Variants in COBLL1 observed in about 807,000 individuals in gnomAD.
The protein encoded by COBLL1 is cordon-bleu WH2 repeat protein like 1, also known as cordon-bleu protein-like 1.
COBLL1 carries 50 observed loss-of-function variants against 94.8 expected under a neutral mutation model. The ratio of observed to expected loss-of-function variants is 0.53; its 90% CI spans 0.42 to 0.67. COBLL1 has a LOEUF of 0.67. COBLL1 is among the 30% of genes least tolerant of loss of function. The pLI, the probability that COBLL1 is intolerant of heterozygous loss-of-function variation, is 0.00. For synonymous variants in COBLL1, 448 were observed against 473.8 expected (o/e 0.95, Z 0.71); for missense variants, 1,362 against 1,348.7 (o/e 1.01, Z -0.15).
chr2:164,790,728 G>A (rs1435608778), intron 2 of COBLL1, among the ~76,000 whole-genome samples: 2 of 152,120 alleles, frequency 1.3e-5, no homozygotes, highest in Non-Finnish European at 1.5e-5. Context: ...TTTCACACTT[G>A]CCTGCTACAT....
At chr2:164,818,252 A>ATATATGTATG (rs1684897916) in intron 2 of COBLL1, among the ~76,000 whole-genome samples, 1 of 149,676 alleles carries the variant, frequency 6.7e-6, no homozygotes, top group Admixed American at 6.6e-5. Flanking sequence ...ATACATGTGC[A>ATATATGTATG]TATACACATA....
At chr2:164,702,956 A>G in intron 9 of COBLL1, 1 of 626,966 alleles carries the variant, frequency 1.6e-6, no homozygotes, top group East Asian at 2.7e-5. Flanking sequence ...CTCTACACCC[A>G]GATAAAATTT....
rs75780179 is a variant in COBLL1 at position 164,765,013 on chromosome 2, T to C, written c.42-21138A>G. Reference sequence around the variant, plus strand: ...TAAAATACAGAAGGAATAAAATAATTAGAAAATTATTGGTTTCAATATTTG... The same window carrying C: ...TAAAATACAGAAGGAATAAAATAATCAGAAAATTATTGGTTTCAATATTTG... On this transcript the variant is annotated intron_variant, in intron 2 of 13. Coordinates refer to ENST00000652658, the MANE Select transcript of COBLL1 (RefSeq NM_001365672.2). 5.5e-3 allele frequency among the ~76,000 whole-genome samples: 843 copies of C among 152,202 alleles called. 12 individuals are homozygous for C. The highest frequency in any genetic ancestry group is 0.018 in the African/African-American group (735 of 41,540).
rs757127724 is a variant in COBLL1 at position 164,700,624 on chromosome 2, T to A, written c.1358A>T (p.Asn453Ile). 36 of 1,613,562 alleles carry A rather than the reference T, an allele frequency of 2.2e-5. No individual in the cohort carries two copies. The highest frequency in any genetic ancestry group is 3.3e-4 in the Middle Eastern group (2 of 6,058). ...DIPFVSTDII[N>I]TLKNDPDSAL... ...TGAGTCAGGATCATTTTTCAGTGTA[T>A]TTATTATATCAGTAGATACAAAAGG... The change falls in exon 10 of 14, where the codon AAT becomes ATT. Residue 453 changes from asparagine (N) to isoleucine (I), a missense_variant. Asn to Ile is a moderately radical substitution (Grantham distance 149, BLOSUM62 -3). Coordinates refer to ENST00000652658, the MANE Select transcript of COBLL1 (RefSeq NM_001365672.2).
In COBLL1 at chr2:164,698,577, G is replaced by A. The variant is rs531634812; in HGVS notation, c.1555+828C>T. Among the ~76,000 whole-genome samples the A allele has an allele frequency of 4.7e-4, 72 of 151,586 alleles. 3 individuals are homozygous for A. In the South Asian group the frequency reaches 0.014, roughly 30 times the overall value. ...CTTAAAACACCATTGAGTATTTTTT[G>A]AATTTTCTATTTGCATAGGATTGTT... is the stretch of plus-strand genomic sequence containing the variant. On this transcript the variant is annotated intron_variant, in intron 11 of 13. Transcript: ENST00000652658.
At chr2:164,722,615 C>A in intron 5 of COBLL1, 93 bp from the exon 6 acceptor site, 1 of 634,242 alleles carries the variant, frequency 1.6e-6, no homozygotes, top group Non-Finnish European at 2.7e-6. Flanking sequence ...GCAAACTTAT[C>A]TAATGCTAAA....
intron 10 of COBLL1, 94 bp from the exon 11 acceptor site, chr2:164,699,593 G>A (rs1216797024): frequency 1.5e-6 from 1 of 682,248 alleles, no homozygotes; most frequent in African/African-American, 1.8e-5. Flanking sequence ...TGAGAAACAG[G>A]CAATAATTTC....
intron 2 of COBLL1, among the ~76,000 whole-genome samples, chr2:164,772,579 A>T (rs1334379738): frequency 1.3e-5 from 2 of 152,030 alleles, no homozygotes; most frequent in Non-Finnish European, 2.9e-5. Flanking sequence ...TTAAATACTA[A>T]TTAGCTCTGT....
At chr2:164,703,177 C>T (rs374701271) in intron 9 of COBLL1, 453 of 1,613,580 alleles carry the variant, frequency 2.8e-4, no homozygotes, top group Admixed American at 1.0e-3. Flanking sequence ...TCAGTTTGGG[C>T]GCAGTGCACT....
At chr2:164,687,673 A>C (rs1156232375) in intron 13 of COBLL1, 1 of 782,566 alleles carries the variant, frequency 1.3e-6, no homozygotes, top group East Asian at 2.5e-5. Context: ...AGAGCAACCT[A>C]TAGAGGAAAC....
intron 2 of COBLL1, among the ~76,000 whole-genome samples, chr2:164,808,151 C>A: frequency 6.6e-6 from 1 of 152,122 alleles, no homozygotes; most frequent in East Asian, 1.9e-4. Flanking sequence ...TCTTTGGGTC[C>A]AAGAATGTCT....
At chr2:164,696,490 A>T (rs1262843009) in intron 11 of COBLL1, 1 of 152,136 alleles carries the variant, frequency 6.6e-6, no homozygotes, top group Non-Finnish European at 1.5e-5. Flanking sequence ...TTTAGTTATA[A>T]CATGGGTGAT....
At chr2:164,784,244 CTT>C (rs1397620645) in intron 2 of COBLL1, among the ~76,000 whole-genome samples, 2 of 152,118 alleles carry the variant, frequency 1.3e-5, no homozygotes, top group East Asian at 3.9e-4. Flanking sequence ...ATTTTATAGA[CTT>C]TAAGATCCAC....
Position 164,695,839 on chromosome 2 carries a change from G to A in COBLL1, c.1556-3C>T. 4 of 1,539,916 alleles carry A rather than the reference G, an allele frequency of 2.6e-6. No individual in the cohort carries two copies. The highest frequency in any genetic ancestry group is 1.9e-4 in the Middle Eastern group (1 of 5,210). ...GACAATTATTTCATTTTGAACTACT[G>A]AGAGAAAAAAATCATCAAGTTAAAT... is the stretch of plus-strand genomic sequence containing the variant. On this transcript the variant is annotated splice_region_variant and splice_polypyrimidine_tract_variant and intron_variant, in intron 11 of 13. Transcript: ENST00000652658.
intron 2 of COBLL1, among the ~76,000 whole-genome samples, chr2:164,775,089 G>C (rs1688398251): frequency 6.6e-6 from 1 of 151,820 alleles, no homozygotes; most frequent in Non-Finnish European, 1.5e-5. Context: ...CCAGCAGTTT[G>C]AGGTTGCAGT....
In COBLL1 at chr2:164,682,731, T is replaced by C. The variant is rs1683093663; in HGVS notation, c.*3215A>G. 1 of 152,254 alleles carries C rather than the reference T, an allele frequency of 6.6e-6. No homozygotes were observed. The allele number at this position is 152,254 out of a possible 1,614,324, so 9.4% of individuals were successfully genotyped here. On this transcript the variant is annotated 3_prime_UTR_variant, in exon 14 of 14. Transcript: ENST00000652658. ...TTAAAATAAGGTTCATTTTTATTCA[T>C]ATTAATTCATTTTTCAGAAGAGAAA...
At chr2:164,833,576 G>A (rs887824775) in intron 2 of COBLL1, among the ~76,000 whole-genome samples, 1 of 151,042 alleles carries the variant, frequency 6.6e-6, no homozygotes, top group African/African-American at 2.4e-5. Flanking sequence ...TCAGCCTCCC[G>A]AGTAGCTGGG....
At chr2:164,743,422 A>C (rs1686697377) in intron 3 of COBLL1, 1 of 289,058 alleles carries the variant, frequency 3.5e-6, no homozygotes. Context: ...ATTTTTAAAA[A>C]CTTGTTAAAT....
intron 7 of COBLL1, among the ~76,000 whole-genome samples, chr2:164,710,859 G>A (rs552736391): frequency 3.3e-5 from 5 of 151,966 alleles, no homozygotes; most frequent in East Asian, 3.9e-4. Flanking sequence ...CACTGTGCCC[G>A]GCCAGCAGCA....
Sources: allele counts gnomAD v4.1 joint callset (sites outside exome capture counted in the v4.1 genomes callset), GRCh38; gene constraint gnomAD v4.1.1; transcripts MANE v1.5; gene names NCBI Gene and HGNC (gene_info 2026-07-23, HGNC 2026-07-21).